NSFL1C: variants seen among roughly 807,000 people sequenced by gnomAD.
NSFL1C encodes the protein NSFL1 cofactor, also known as NSFL1 cofactor p47.
Under a neutral mutation model 43.1 loss-of-function variants are expected in NSFL1C, and 14 were observed. That is an observed-to-expected ratio of 0.32 (90% CI 0.21 to 0.51). NSFL1C has a LOEUF of 0.51. Among genes scored for constraint, NSFL1C ranks in the 20% least tolerant of loss-of-function variants. NSFL1C has a pLI of 0.98. For missense variants in NSFL1C, 406 were observed against 472.5 expected (o/e 0.86, Z 1.30); for synonymous variants, 171 against 183.5 (o/e 0.93, Z 0.55).
chr20:1,454,223 G>A lies in NSFL1C; in HGVS notation c.527C>T (p.Ser176Phe). The A allele has an allele frequency of 6.2e-7, 1 of 1,613,174 alleles. No homozygotes were observed. The highest frequency in any genetic ancestry group is 1.1e-5 in the South Asian group (1 of 91,044). ...GGTGGATGCACTCACATCTTGGCTG[G>A]AATGCTGCCTCTTTTCTCCTGCCAC... Reference protein sequence around the residue: ...AYVAGEKRQHSSQDVHVVLKL... With the variant: ...AYVAGEKRQHFSQDVHVVLKL... The change falls in exon 5 of 9, where the codon TCC (serine) becomes TTC (phenylalanine). Residue 176 changes from serine (S) to phenylalanine (F), a missense_variant. Coordinates refer to ENST00000216879, the MANE Select transcript of NSFL1C (RefSeq NM_016143.5).
chr20:1,446,687 G>T (rs2090066512), intron 7 of NSFL1C, among the ~76,000 whole-genome samples: 1 of 150,440 alleles, frequency 6.6e-6, no homozygotes. Flanking sequence ...ATGCACATAG[G>T]ACTCCCAATT....
intron 7 of NSFL1C, among the ~76,000 whole-genome samples, chr20:1,449,334 C>T (rs971894614): frequency 1.3e-5 from 2 of 152,204 alleles, no homozygotes; most frequent in East Asian, 1.9e-4. Flanking sequence ...CTGCCATGGG[C>T]TGTAAGTGGA....
chr20:1,445,254 G>C (rs77181974), intron 8 of NSFL1C, among the ~76,000 whole-genome samples: 1 of 152,186 alleles, frequency 6.6e-6, no homozygotes, highest in Non-Finnish European at 1.5e-5. Flanking sequence ...CAGGCCCCTT[G>C]TGGGGAGGGA....
intron 5 of NSFL1C, 93 bp from the exon 6 acceptor site, chr20:1,453,233 T>C: frequency 1.3e-6 from 1 of 746,578 alleles, no homozygotes; most frequent in East Asian, 2.5e-5. Context: ...TTCTCAGTGT[T>C]GCTACTATTA....
chr20:1,449,063 C>T (rs2090130740), intron 7 of NSFL1C, among the ~76,000 whole-genome samples: 1 of 152,210 alleles, frequency 6.6e-6, no homozygotes. Flanking sequence ...GGATGCTATG[C>T]AGGTTGGCAG....
intron 1 of NSFL1C, among the ~76,000 whole-genome samples, chr20:1,466,018 T>G (rs2090502035): frequency 6.6e-6 from 1 of 152,210 alleles, no homozygotes; most frequent in South Asian, 2.1e-4. Flanking sequence ...CAAGAATATT[T>G]ATGCAATTCT....
chr20:1,454,042 C>T (rs913477859), intron 5 of NSFL1C, among the ~76,000 whole-genome samples, 171 bp downstream of exon 5: 2 of 152,192 alleles, frequency 1.3e-5, no homozygotes, highest in Non-Finnish European at 2.9e-5. Flanking sequence ...CCCAGGAAAC[C>T]TCCTTTGATT....
chr20:1,465,959 C>CA (rs1193482160), intron 1 of NSFL1C, among the ~76,000 whole-genome samples: 1 of 152,176 alleles, frequency 6.6e-6, no homozygotes, highest in Non-Finnish European at 1.5e-5. Flanking sequence ...GGTAGGTACT[C>CA]AATAAATATT....
At position 1,464,497 on chromosome 20, in the gene NSFL1C, A is replaced by G. The variant is rs890796008; in HGVS notation, c.106-71T>C. 8 of 1,268,562 alleles carry G rather than the reference A, an allele frequency of 6.3e-6. No individual in the cohort carries two copies. The African/African-American group carries it at 1.2e-4, about 19-fold the overall frequency. The allele number at this position is 1,268,562 out of a possible 1,614,324, so 78.6% of individuals were successfully genotyped here. On this transcript the variant is annotated intron_variant, in intron 1 of 8. Transcript: ENST00000216879. ...CCTAACGCACATCTCCTTTGAGCAC[A>G]AAGGAATACAGACATGGCCAACACT...
intron 2 of NSFL1C, among the ~76,000 whole-genome samples, chr20:1,460,316 G>A (rs926043214): frequency 2.0e-5 from 3 of 152,074 alleles, no homozygotes; most frequent in African/African-American, 7.2e-5. Flanking sequence ...CAAATCCCCA[G>A]GCCCCCTCTT....
intron 3 of NSFL1C, among the ~76,000 whole-genome samples, chr20:1,455,441 T>G (rs926836357): frequency 6.6e-6 from 1 of 152,192 alleles, no homozygotes; most frequent in African/African-American, 2.4e-5. Flanking sequence ...ATTCCAAGCA[T>G]GCAAAACAGC....
At chr20:1,458,974 G>C (rs2090358111) in intron 2 of NSFL1C, among the ~76,000 whole-genome samples, 1 of 152,054 alleles carries the variant, frequency 6.6e-6, no homozygotes, top group South Asian at 2.1e-4. Context: ...GCGTGAGAAG[G>C]GTTAATTCTC....
intron 1 of NSFL1C, among the ~76,000 whole-genome samples, chr20:1,466,009 A>C (rs1276059907): frequency 6.6e-6 from 1 of 152,218 alleles, no homozygotes; most frequent in African/African-American, 2.4e-5. Flanking sequence ...GAAGCTGGCC[A>C]AGAATATTTA....
Position 1,443,803 on chromosome 20 carries a change from C to A in NSFL1C, c.1059G>T (p.Gln353His), listed in dbSNP as rs200551764. 2.5e-6 allele frequency: 4 copies of A among 1,614,052 alleles called. No homozygotes were observed. The highest frequency in any genetic ancestry group is 3.4e-6 in the Non-Finnish European group (4 of 1,180,038). ...FPNKELADES[Q>H]TLKEANLLNA... ...TGAGCAGGTTGGCTTCCTTCAGGGT[C>A]TGGCTCTCATCAGCCAGCTCTTTGT... Residue 353 changes from glutamine to histidine, a missense_variant, in exon 9 of 9, where the codon CAG becomes CAT. Around this residue, in one of 3 missense-constraint regions of NSFL1C, gnomAD observed 196 missense variants for 228.0 expected, o/e 0.86. Coordinates refer to ENST00000216879, the MANE Select transcript of NSFL1C (RefSeq NM_016143.5).
At chr20:1,456,533 A>C (rs1366623611) in intron 3 of NSFL1C, 5 of 152,212 alleles carry the variant, frequency 3.3e-5, no homozygotes, top group Non-Finnish European at 5.9e-5. Context: ...GTTATTATAC[A>C]ATTTTCCTTA....
At chr20:1,444,978 A>T (rs907338004) in intron 8 of NSFL1C, among the ~76,000 whole-genome samples, 1 of 152,204 alleles carries the variant, frequency 6.6e-6, no homozygotes, top group Non-Finnish European at 1.5e-5. Flanking sequence ...CACTGATCCC[A>T]CATGTGGGTG....
Position 1,466,761 on chromosome 20 carries a change from G to T in NSFL1C, c.64C>A (p.Arg22=), listed in dbSNP as rs755870380. ...FVAVTGAEED[R]ARFFLESAGW... ...GCCGACTCGAGAAAGAAGCGGGCCC[G>T]GTCCTCCTCGGCGCCCGTCACCGCC... Residue 22 remains arginine, a synonymous_variant, in exon 1 of 9, where the codon CGG becomes AGG. Coordinates refer to ENST00000216879, the MANE Select transcript of NSFL1C (RefSeq NM_016143.5). The T allele has an allele frequency of 1.3e-6, 2 of 1,563,222 alleles. No homozygotes were observed. The highest frequency in any genetic ancestry group is 1.7e-6 in the Non-Finnish European group (2 of 1,156,880).
chr20:1,463,050 G>A (rs1178178315), intron 2 of NSFL1C, among the ~76,000 whole-genome samples: 3 of 152,108 alleles, frequency 2.0e-5, no homozygotes, highest in Non-Finnish European at 4.4e-5. Context: ...TAAGTAACCT[G>A]CCCAAGGTCA....
chr20:1,458,376 G>T, intron 2 of NSFL1C, 102 bp from the exon 3 acceptor site: 1 of 914,036 alleles, frequency 1.1e-6, no homozygotes. Context: ...TTACATTTTT[G>T]GTAGGCGAGA....
Sources: allele counts gnomAD v4.1 joint callset (sites outside exome capture counted in the v4.1 genomes callset), GRCh38; gene constraint gnomAD v4.1.1; regional missense constraint gnomAD v4.1.1; transcripts MANE v1.5; gene names NCBI Gene and HGNC (gene_info 2026-07-23, HGNC 2026-07-21).